ARHGAP15: variants seen among roughly 807,000 people sequenced by gnomAD.
The protein encoded by ARHGAP15 is rho GTPase-activating protein 15.
In ARHGAP15, 51 loss-of-function variants were observed where a neutral mutation model predicts 63.7. The ratio of observed to expected loss-of-function variants is 0.80; its 90% CI spans 0.64 to 1.01. The LOEUF is 1.01. ARHGAP15 is among the 50% of genes least tolerant of loss of function. ARHGAP15 has a pLI of 0.00. For synonymous variants in ARHGAP15, 191 were observed against 193.8 expected, an observed-to-expected ratio of 0.99 and a Z score of 0.12; for missense variants, 560 against 564.6, an observed-to-expected ratio of 0.99 and a Z score of 0.08.
intron 10 of ARHGAP15, among the ~76,000 whole-genome samples, chr2:143,538,927 C>A (rs1031565709): frequency 6.6e-5 from 10 of 152,058 alleles, no homozygotes; most frequent in South Asian, 6.2e-4. Context: ...CTCTTTTTCT[C>A]TTGATTGGTA....
At chr2:143,320,074 A>C (rs1034192702) in intron 6 of ARHGAP15, among the ~76,000 whole-genome samples, 1 of 152,186 alleles carries the variant, frequency 6.6e-6, no homozygotes, top group Non-Finnish European at 1.5e-5. Flanking sequence ...CAAACATGAA[A>C]CGTCTCCTCT....
intron 8 of ARHGAP15, among the ~76,000 whole-genome samples, chr2:143,467,672 G>T (rs955277117): frequency 1.3e-5 from 2 of 152,014 alleles, no homozygotes. Flanking sequence ...CATAATTCAA[G>T]TTATTAACTT....
intron 6 of ARHGAP15, among the ~76,000 whole-genome samples, chr2:143,361,240 T>C (rs1196380017): frequency 6.6e-6 from 1 of 152,218 alleles, no homozygotes; most frequent in African/African-American, 2.4e-5. Flanking sequence ...GGAGATGGCT[T>C]CTGATCTCCA....
At chr2:143,246,138 G>A (rs544868790) in intron 5 of ARHGAP15, among the ~76,000 whole-genome samples, 2 of 152,102 alleles carry the variant, frequency 1.3e-5, no homozygotes, top group African/African-American at 2.4e-5. Context: ...AAGTAAATTC[G>A]TATCAGCTCA....
At chr2:143,222,009 T>C (rs2105157008) in intron 4 of ARHGAP15, among the ~76,000 whole-genome samples, 1 of 152,350 alleles carries the variant, frequency 6.6e-6, no homozygotes, top group South Asian at 2.1e-4. Flanking sequence ...ATATTTTTTC[T>C]TTAGTAGTTT....
At chr2:143,763,410 G>A (rs1306111294) in intron 13 of ARHGAP15, among the ~76,000 whole-genome samples, 2 of 152,002 alleles carry the variant, frequency 1.3e-5, no homozygotes, top group Non-Finnish European at 2.9e-5. Context: ...TGCTGGAAAT[G>A]TCTATCCCCA....
At chr2:143,732,126 AAAT>A (rs201026077) in intron 13 of ARHGAP15, among the ~76,000 whole-genome samples, 83 of 152,286 alleles carry the variant, frequency 5.5e-4, no homozygotes, top group African/African-American at 1.1e-3. Context: ...GCAAAAGGGA[AAAT>A]AATAAGAAAT....
At chr2:143,303,846 T>A (rs1307455894) in intron 6 of ARHGAP15, among the ~76,000 whole-genome samples, 1 of 151,964 alleles carries the variant, frequency 6.6e-6, no homozygotes, top group African/African-American at 2.4e-5. Context: ...AACAGACACA[T>A]GAAAAAATGC....
chr2:143,576,845 G>A (rs1440715929), intron 11 of ARHGAP15, among the ~76,000 whole-genome samples: 1 of 152,090 alleles, frequency 6.6e-6, no homozygotes, highest in Non-Finnish European at 1.5e-5. Context: ...CTAGTTCATA[G>A]ATTGAGGTTA....
At chr2:143,461,301 A>AAC (rs1690927669) in intron 8 of ARHGAP15, among the ~76,000 whole-genome samples, 5 of 150,924 alleles carry the variant, frequency 3.3e-5, no homozygotes, top group Admixed American at 3.3e-4. Flanking sequence ...AAAAAAAAAA[A>AAC]AAAAACAGAA....
Position 143,565,839 on chromosome 2 carries a change from A to G in ARHGAP15, c.1003+9354A>G, listed in dbSNP as rs372220014. ...CTTAGGGTTGGATAAATAGCAATGA[A>G]GTCATACTGCTCTTGCTAACCCCCA... On this transcript the variant is annotated intron_variant, in intron 11 of 13. Transcript: ENST00000295095. 2.0e-5 allele frequency among the ~76,000 whole-genome samples: 3 copies of G among 152,326 alleles called. No homozygotes were observed. The East Asian group carries it at 5.8e-4, about 29-fold the overall frequency.
intron 5 of ARHGAP15, among the ~76,000 whole-genome samples, chr2:143,249,749 T>C (rs1022977167): frequency 4.6e-5 from 7 of 152,130 alleles, no homozygotes; most frequent in African/African-American, 1.7e-4. Context: ...GATATTCCTA[T>C]TGATTATTGT....
intron 6 of ARHGAP15, among the ~76,000 whole-genome samples, chr2:143,362,529 T>G (rs912339839): frequency 6.6e-6 from 1 of 152,244 alleles, no homozygotes; most frequent in Non-Finnish European, 1.5e-5. Context: ...ATGATTTTAT[T>G]CGGGATGAAA....
chr2:143,237,409 CA>C (rs1693696665), intron 5 of ARHGAP15: 2 of 152,154 alleles, frequency 1.3e-5, no homozygotes, highest in South Asian at 4.1e-4. Context: ...TTGATATTCT[CA>C]TATGTCTCTG....
At chr2:143,316,579 AATATATATGTTATAT>A (rs1298089978) in intron 6 of ARHGAP15, among the ~76,000 whole-genome samples, 1 of 145,828 alleles carries the variant, frequency 6.9e-6, no homozygotes, top group Non-Finnish European at 1.5e-5. Flanking sequence ...CATATATTAA[AATATATATGTTATAT>A]ATATTTTAAT....
chr2:143,470,236 G>A (rs1691452772), intron 8 of ARHGAP15, among the ~76,000 whole-genome samples: 1 of 149,590 alleles, frequency 6.7e-6, no homozygotes, highest in Admixed American at 6.7e-5. Context: ...TAGTATCTGT[G>A]AATAGGTCAA....
chr2:143,163,720 C>T lies in ARHGAP15; in HGVS notation c.165+8065C>T, dbSNP rs575763247. Among the ~76,000 whole-genome samples, 20 of 152,148 alleles carry T rather than the reference C, an allele frequency of 1.3e-4. No homozygotes were observed. The East Asian group carries it at 2.7e-3, about 21-fold the overall frequency. ...GTGTCATCACAGAAATCTATAGTAC[C>T]TAGTTTTTGCCCTTTGGCAGAAGAA... On this transcript the variant is annotated intron_variant, in intron 2 of 13. Transcript: ENST00000295095.
At chr2:143,554,581 A>G (rs1304478463) in intron 10 of ARHGAP15, among the ~76,000 whole-genome samples, 1 of 152,146 alleles carries the variant, frequency 6.6e-6, no homozygotes, top group Non-Finnish European at 1.5e-5. Flanking sequence ...CTATCACGTT[A>G]TTTAAAATTT....
intron 6 of ARHGAP15, among the ~76,000 whole-genome samples, chr2:143,327,547 A>T (rs960115999): frequency 2.0e-5 from 3 of 152,110 alleles, no homozygotes; most frequent in Non-Finnish European, 4.4e-5. Flanking sequence ...ACCAAAACAG[A>T]TACATAGACC....
Sources: allele counts gnomAD v4.1 joint callset (sites outside exome capture counted in the v4.1 genomes callset), GRCh38; gene constraint gnomAD v4.1.1; transcripts MANE v1.5; gene names NCBI Gene and HGNC (gene_info 2026-07-23, HGNC 2026-07-21).